Variants in TEX36 observed in about 807,000 individuals in gnomAD.
TEX36 encodes testis-expressed protein 36.
In TEX36, 12 loss-of-function variants were observed where a neutral mutation model predicts 13.6. That is an observed-to-expected ratio of 0.88 (90% CI 0.56 to 1.43). The LOEUF (loss-of-function observed/expected upper bound fraction) is 1.43. TEX36 is among the 40% of genes most tolerant of loss of function. TEX36 has a pLI of 0.00. For synonymous variants in TEX36, 93 were observed against 83.0 expected, an observed-to-expected ratio of 1.12 and a Z score of -0.65; for missense variants, 224 against 228.3, an observed-to-expected ratio of 0.98 and a Z score of 0.12.
Position 125,670,989 on chromosome 10 carries a change from G to A in TEX36, c.52-9012C>T, listed in dbSNP as rs527790082. Reference sequence around the variant, plus strand: ...ATGCTGTTTTGGTTACTCTAGCTTTGTAGTATAGTTTGAAGTCAGGTAGCA... The same window carrying A: ...ATGCTGTTTTGGTTACTCTAGCTTTATAGTATAGTTTGAAGTCAGGTAGCA... On this transcript the variant is annotated intron_variant, in intron 1 of 3. Transcript: ENST00000368821. Among the ~76,000 whole-genome samples, 9 of 152,186 alleles carry A rather than the reference G, an allele frequency of 5.9e-5. No homozygotes were observed. The East Asian group carries it at 1.7e-3, about 29-fold the overall frequency.
At chr10:125,660,655 T>C (rs1201235241) in intron 3 of TEX36, among the ~76,000 whole-genome samples, 1 of 152,206 alleles carries the variant, frequency 6.6e-6, no homozygotes, top group Non-Finnish European at 1.5e-5. Flanking sequence ...AAGCTCCTCC[T>C]CCTTCTGACC....
chr10:125,659,393 C>CACAAA (rs1408609274), intron 3 of TEX36, among the ~76,000 whole-genome samples: 1 of 152,106 alleles, frequency 6.6e-6, no homozygotes, highest in African/African-American at 2.4e-5. Context: ...AAATTTTACC[C>CACAAA]ACAAAACCAT....
chr10:125,677,882 A>C (rs1847334908), intron 1 of TEX36, among the ~76,000 whole-genome samples: 1 of 152,052 alleles, frequency 6.6e-6, no homozygotes, highest in Admixed American at 6.6e-5. Flanking sequence ...GGGTTTCACC[A>C]TGTTGGCCAG....
At chr10:125,581,377 C>A (rs1565165819) in intron 3 of TEX36, among the ~76,000 whole-genome samples, 1 of 152,194 alleles carries the variant, frequency 6.6e-6, no homozygotes, top group Non-Finnish European at 1.5e-5. Context: ...TCAGGCACAT[C>A]TTCCTGGGTA....
chr10:125,606,725 T>C (rs1227221260), intron 3 of TEX36, among the ~76,000 whole-genome samples: 2 of 152,208 alleles, frequency 1.3e-5, no homozygotes, highest in African/African-American at 2.4e-5. Context: ...GGTGAATCAT[T>C]TCCTACCACC....
At chr10:125,598,349 G>C (rs1249722790) in intron 3 of TEX36, among the ~76,000 whole-genome samples, 1 of 152,206 alleles carries the variant, frequency 6.6e-6, no homozygotes, top group Non-Finnish European at 1.5e-5. Context: ...AACTGGGTTA[G>C]TTTTTTGGCG....
chr10:125,655,455 A>C (rs1386917560), downstream of TEX36, among the ~76,000 whole-genome samples: 2 of 152,226 alleles, frequency 1.3e-5, no homozygotes, highest in African/African-American at 4.8e-5. Context: ...AAATTAAAAA[A>C]AAGTTGTAGA....
At chr10:125,626,962 G>A (rs1451207118) in intron 3 of TEX36, among the ~76,000 whole-genome samples, 2 of 152,210 alleles carry the variant, frequency 1.3e-5, no homozygotes, top group Non-Finnish European at 2.9e-5. Flanking sequence ...GAAAAGGGAA[G>A]GAGGGAGTTT....
intron 3 of TEX36, among the ~76,000 whole-genome samples, chr10:125,659,566 C>G (rs1846999245): frequency 6.6e-6 from 1 of 152,142 alleles, no homozygotes; most frequent in Non-Finnish European, 1.5e-5. Flanking sequence ...CAGAGGCAGG[C>G]AAAGTGGGTA....
intron 1 of TEX36, among the ~76,000 whole-genome samples, chr10:125,664,293 A>G (rs577622483): frequency 1.3e-5 from 2 of 152,336 alleles, no homozygotes; most frequent in East Asian, 1.9e-4. Context: ...TAGTGCTGCA[A>G]TAAACATGGG....
At chr10:125,645,559 C>T (rs898957170) in intron 3 of TEX36, among the ~76,000 whole-genome samples, 1 of 152,190 alleles carries the variant, frequency 6.6e-6, no homozygotes, top group South Asian at 2.1e-4. Context: ...GCCTCCATAA[C>T]TGTAAGAAAT....
intron 3 of TEX36, among the ~76,000 whole-genome samples, chr10:125,588,744 A>T (rs1251155847): frequency 2.0e-5 from 3 of 152,214 alleles, no homozygotes; most frequent in African/African-American, 7.2e-5. Context: ...CCTCCCGAGT[A>T]GCTGGGACTA....
intron 3 of TEX36, among the ~76,000 whole-genome samples, chr10:125,635,132 G>T (rs1326298893): frequency 6.6e-6 from 1 of 152,168 alleles, no homozygotes; most frequent in African/African-American, 2.4e-5. Context: ...GTAACTAGGG[G>T]CTTGATTTTG....
downstream of TEX36, among the ~76,000 whole-genome samples, chr10:125,618,572 G>A (rs573937864): frequency 6.6e-6 from 1 of 152,004 alleles, no homozygotes; most frequent in Non-Finnish European, 1.5e-5. Flanking sequence ...TGCCCCTGCT[G>A]GGGGGTGCCT....
chr10:125,580,859 C>T (rs1325508222), intron 3 of TEX36, among the ~76,000 whole-genome samples: 1 of 152,176 alleles, frequency 6.6e-6, no homozygotes, highest in Non-Finnish European at 1.5e-5. Flanking sequence ...CATCAGAGTC[C>T]TTTCCTGGGA....
rs748468643 is a variant in TEX36 at position 125,682,976 on chromosome 10, C to T, written c.14G>A (p.Arg5Gln). 31 of 1,551,630 alleles carry T rather than the reference C, an allele frequency of 2.0e-5. No homozygotes were observed. Among genetic ancestry groups the T allele is most frequent in the African/African-American group, 1.2e-4 (9 of 73,058 alleles). Reference protein sequence around the residue: MTKGRRFNPPSDKDG... With the variant: MTKGQRFNPPSDKDG... Reference sequence around the variant, plus strand: ...CTTGTCTGAAGGTGGGTTGAAGCGTCGCCCTTTGGTCATTCTCTCCAGGAA... The same window carrying T: ...CTTGTCTGAAGGTGGGTTGAAGCGTTGCCCTTTGGTCATTCTCTCCAGGAA... The change falls in exon 1 of 4, where the codon CGA (arginine) becomes CAA (glutamine). Residue 5 changes from arginine to glutamine, a missense_variant. By Grantham distance (43) the Arg-to-Gln change is conservative. Coordinates refer to ENST00000368821, the MANE Select transcript of TEX36 (RefSeq NM_001128202.3).
At chr10:125,604,295 T>G (rs547510896) in intron 3 of TEX36, among the ~76,000 whole-genome samples, 1 of 152,158 alleles carries the variant, frequency 6.6e-6, no homozygotes, top group Non-Finnish European at 1.5e-5. Flanking sequence ...CCCTGCCCCC[T>G]GTCAGATCTG....
At chr10:125,582,983 G>A (rs187460258) in intron 3 of TEX36, among the ~76,000 whole-genome samples, 2 of 152,294 alleles carry the variant, frequency 1.3e-5, no homozygotes. Flanking sequence ...ACAACACTGA[G>A]TCATGTTAGA....
intron 3 of TEX36, among the ~76,000 whole-genome samples, chr10:125,629,776 G>T (rs1352259579): frequency 6.6e-6 from 1 of 152,190 alleles, no homozygotes; most frequent in Non-Finnish European, 1.5e-5. Context: ...CCATCACCAT[G>T]ATCAATATGA....
Sources: gnomAD v4.1 joint callset for allele counts (sites outside exome capture counted in the v4.1 genomes callset) on GRCh38, gnomAD v4.1.1 for gene constraint, MANE v1.5 for transcripts, NCBI Gene and HGNC (gene_info 2026-07-23, HGNC 2026-07-21) for gene names.